The following KIF2A variants were observed in gnomAD, a reference collection of about 807,000 sequenced individuals.
KIF2A encodes kinesin-like protein KIF2A.
In KIF2A, 22 loss-of-function variants were observed where a neutral mutation model predicts 100.2. The ratio of observed to expected loss-of-function variants is 0.22; its 90% CI spans 0.16 to 0.31. KIF2A has a LOEUF of 0.31. Among genes scored for constraint, KIF2A ranks in the 10% least tolerant of loss-of-function variants. KIF2A has a pLI of 1.00. For missense variants in KIF2A, 495 were observed against 898.7 expected (o/e 0.55, Z 5.74); for synonymous variants, 268 against 285.9 (o/e 0.94, Z 0.63).
At chr5:62,360,667 C>T (rs935841411) in intron 9 of KIF2A, among the ~76,000 whole-genome samples, 6 of 150,992 alleles carry the variant, frequency 4.0e-5, no homozygotes, top group Admixed American at 1.3e-4. Flanking sequence ...GCCTGGGGGA[C>T]GAGAACGAGA....
At chr5:62,329,523 G>GCAC (rs772322371) in intron 1 of KIF2A, among the ~76,000 whole-genome samples, 1 of 152,160 alleles carries the variant, frequency 6.6e-6, no homozygotes, top group East Asian at 1.9e-4. Flanking sequence ...CTCAGTTACT[G>GCAC]GTCAGTGGCA....
chr5:62,349,981 T>G (rs1271748455), intron 3 of KIF2A, 85 bp from the exon 4 acceptor site: 1 of 814,842 alleles, frequency 1.2e-6, no homozygotes, highest in African/African-American at 1.8e-5. Context: ...TCTGCCTACT[T>G]TTGTTTAATT....
intron 1 of KIF2A, among the ~76,000 whole-genome samples, chr5:62,321,404 C>T (rs1309128460): frequency 2.0e-5 from 3 of 152,278 alleles, no homozygotes; most frequent in East Asian, 3.9e-4. Flanking sequence ...TTCCAATTTT[C>T]TACATCCTGG....
intron 7 of KIF2A, among the ~76,000 whole-genome samples, chr5:62,356,888 C>G (rs2111938148): frequency 6.6e-6 from 1 of 150,618 alleles, no homozygotes; most frequent in South Asian, 2.1e-4. Context: ...AGGGTTCAGG[C>G]AATTCTCGTG....
chr5:62,322,934 TAAAAA>T (rs200112197), intron 1 of KIF2A, among the ~76,000 whole-genome samples: 2 of 97,998 alleles, frequency 2.0e-5, no homozygotes, highest in Non-Finnish European at 3.9e-5. Context: ...TTCAATTTAG[TAAAAA>T]AAAAAAAAAA....
At chr5:62,348,209 C>T (rs756381140) in intron 3 of KIF2A, 42 bp downstream of exon 3, 64 of 1,604,470 alleles carry the variant, frequency 4.0e-5, no homozygotes, top group Admixed American at 2.0e-4. Context: ...TGGGAGAGAG[C>T]GGGAGTTGTA....
chr5:62,337,611 T>C (rs1162770095), intron 1 of KIF2A, among the ~76,000 whole-genome samples: 2 of 152,024 alleles, frequency 1.3e-5, no homozygotes, highest in East Asian at 3.9e-4. Flanking sequence ...TGCAGGGGAA[T>C]TGCTTGAGAC....
Position 62,358,245 on chromosome 5 carries a change from C to A in KIF2A, c.818C>A (p.Thr273Lys). The A allele has an allele frequency of 6.2e-7, 1 of 1,602,694 alleles. No individual in the cohort carries two copies. Among genetic ancestry groups the A allele is most frequent in the East Asian group, 2.3e-5 (1 of 44,034 alleles). The change falls in exon 9 of 21, where the codon ACA becomes AAA. Residue 273 changes from threonine to lysine, a missense_variant. Physicochemically the swap from Thr to Lys is moderately conservative, Grantham distance 78 (BLOSUM62 -1). Around this residue, in one of 10 missense-constraint regions of KIF2A, gnomAD observed 109 missense variants for 244.2 expected, o/e 0.45. Transcript: ENST00000407818. ...TTAACAAGGTACCTAGAAAACCAAA[C>A]ATTTCGTTTTGATTATGCCTTTGAT... ...VDLTRYLENQ[T>K]FRFDYAFDDS... is the part of the protein sequence containing the mutation.
chr5:62,337,414 C>T (rs1205153849), intron 1 of KIF2A, among the ~76,000 whole-genome samples: 1 of 151,934 alleles, frequency 6.6e-6, no homozygotes, highest in African/African-American at 2.4e-5. Context: ...ATCACTTGAA[C>T]CTGGGAGGCA....
intron 1 of KIF2A, among the ~76,000 whole-genome samples, chr5:62,311,034 T>A (rs1408086516): frequency 6.6e-6 from 1 of 152,208 alleles, no homozygotes; most frequent in African/African-American, 2.4e-5. Context: ...TATTGATACA[T>A]GTAATCTGAA....
intron 1 of KIF2A, among the ~76,000 whole-genome samples, chr5:62,320,749 A>C (rs906052578): frequency 3.3e-5 from 5 of 152,154 alleles, no homozygotes; most frequent in African/African-American, 1.2e-4. Flanking sequence ...TTTTAGTGAA[A>C]ATTTTTTGAG....
intron 20 of KIF2A, among the ~76,000 whole-genome samples, chr5:62,384,475 C>CAACA (rs1270319811): frequency 6.6e-6 from 1 of 152,114 alleles, no homozygotes; most frequent in Non-Finnish European, 1.5e-5. Context: ...TTATCCTGTG[C>CAACA]CTTGTACAAT....
chr5:62,319,542 A>G (rs918311264), intron 1 of KIF2A, among the ~76,000 whole-genome samples: 2 of 152,180 alleles, frequency 1.3e-5, no homozygotes, highest in Admixed American at 6.5e-5. Flanking sequence ...TGCTCTGTCA[A>G]AAAACTCATT....
At chr5:62,323,748 A>T (rs957515553) in intron 1 of KIF2A, among the ~76,000 whole-genome samples, 3 of 151,804 alleles carry the variant, frequency 2.0e-5, no homozygotes, top group Non-Finnish European at 2.9e-5. Flanking sequence ...AACACTTTAA[A>T]TTTTTTTTGC....
intron 9 of KIF2A, 41 bp downstream of exon 9, chr5:62,358,340 C>T (rs1431798047): frequency 7.2e-7 from 1 of 1,392,000 alleles, no homozygotes; most frequent in South Asian, 1.5e-5. Context: ...GTTCTTATGC[C>T]ATGTGGTCAT....
chr5:62,344,001 C>G (rs955946834), intron 1 of KIF2A, among the ~76,000 whole-genome samples: 1 of 152,006 alleles, frequency 6.6e-6, no homozygotes, highest in African/African-American at 2.4e-5. Flanking sequence ...AGGTTTAGAC[C>G]CATGCTGCTT....
At chr5:62,355,295 C>A in intron 7 of KIF2A, 41 bp downstream of exon 7, 2 of 1,012,880 alleles carry the variant, frequency 2.0e-6, no homozygotes, top group South Asian at 1.4e-5. Context: ...ACTTTTTATG[C>A]TTCAAATAAA....
chr5:62,321,391 G>A (rs983354215), intron 1 of KIF2A, among the ~76,000 whole-genome samples: 1 of 152,080 alleles, frequency 6.6e-6, no homozygotes, highest in African/African-American at 2.4e-5. Flanking sequence ...TAATATTTGA[G>A]GGTTCCAATT....
rs144086200 is a variant in KIF2A, at chr5:62,319,311, T to TA, written c.64+12776dup. 4.8e-3 allele frequency among the ~76,000 whole-genome samples: 725 copies of TA among 152,370 alleles called. 3 individuals are homozygous for TA. The highest frequency in any genetic ancestry group is 0.017 in the African/African-American group (694 of 41,586). ...TGTTCTCTACTTCTGTTGCCCTTTTTATGAAGCCCAAGTCTAACATGGCTT... is the reference window on the plus strand; with the variant it reads ...TGTTCTCTACTTCTGTTGCCCTTTTTAATGAAGCCCAAGTCTAACATGGCTT... On this transcript the variant is annotated intron_variant, in intron 1 of 20. Coordinates refer to ENST00000407818, the MANE Select transcript of KIF2A (RefSeq NM_001098511.3).
Sources: allele counts gnomAD v4.1 joint callset (sites outside exome capture counted in the v4.1 genomes callset), GRCh38; gene constraint gnomAD v4.1.1; regional missense constraint gnomAD v4.1.1; transcripts MANE v1.5; gene names NCBI Gene and HGNC (gene_info 2026-07-23, HGNC 2026-07-21).